The following FANCA variants were observed in gnomAD, a reference collection of about 807,000 sequenced individuals.
FANCA encodes the protein Fanconi anemia group A protein.
In FANCA, 236 loss-of-function variants were observed where a neutral mutation model predicts 194.3. That is an observed-to-expected ratio of 1.21 (90% CI 1.09 to 1.35). FANCA has a LOEUF of 1.35. Among genes scored for constraint, FANCA ranks in the 40% most tolerant of loss-of-function variants. FANCA has a pLI of 0.00. For missense variants in FANCA, 2,628 were observed against 1,813.9 expected, an observed-to-expected ratio of 1.45 and a Z score of -8.15; for synonymous variants, 1,014 against 715.8, an observed-to-expected ratio of 1.42 and a Z score of -6.65.
intron 20 of FANCA, among the ~76,000 whole-genome samples, chr16:89,776,165 T>TC (rs2039497528): frequency 1.1e-5 from 1 of 92,436 alleles, no homozygotes; most frequent in African/African-American, 4.8e-5. Context: ...TTTTCTTTTT[T>TC]TTTTTTTTTT....
intron 29 of FANCA, among the ~76,000 whole-genome samples, chr16:89,759,929 C>T (rs1038197523): frequency 1.3e-5 from 2 of 151,536 alleles, no homozygotes; most frequent in Non-Finnish European, 2.9e-5. Context: ...CCACGCTGTG[C>T]GGGACCTGGG....
In FANCA at chr16:89,778,879, A is replaced by G. The variant is rs2302162; in HGVS notation, c.1777-29T>C. 124,933 of 1,613,612 alleles carry G rather than the reference A, an allele frequency of 0.077. 5,822 individuals carry two copies. The highest frequency in any genetic ancestry group is 0.17 in the East Asian group (7,709 of 44,862). Reference sequence around the variant, plus strand: ...TGGGAAGAGAAGAGACCTGTGAGAGACTGACAAGGAAAGTCCTTGCTTTCT... The same window carrying G: ...TGGGAAGAGAAGAGACCTGTGAGAGGCTGACAAGGAAAGTCCTTGCTTTCT... On this transcript the variant is annotated intron_variant, in intron 19 of 42. Coordinates refer to ENST00000389301, the MANE Select transcript of FANCA (RefSeq NM_000135.4).
intron 32 of FANCA, among the ~76,000 whole-genome samples, chr16:89,749,176 G>C (rs968176187): frequency 2.6e-5 from 4 of 152,126 alleles, no homozygotes; most frequent in African/African-American, 4.8e-5. Flanking sequence ...TTTCACAAGA[G>C]CTCCTTCTGC....
intron 32 of FANCA, 124 bp downstream of exon 32, chr16:89,749,606 G>A (rs2038509966): frequency 9.9e-6 from 12 of 1,206,828 alleles, no homozygotes; most frequent in Non-Finnish European, 1.3e-5. Context: ...GACAGGCTTG[G>A]GGTGGGGACA....
chr16:89,800,891 G>A (rs2040423351), intron 8 of FANCA, among the ~76,000 whole-genome samples: 1 of 151,878 alleles, frequency 6.6e-6, no homozygotes, highest in Admixed American at 6.6e-5. Context: ...AAATTAGCTA[G>A]GTGCGGTGGC....
chr16:89,777,639 G>A (rs2039554768), intron 20 of FANCA, among the ~76,000 whole-genome samples: 1 of 151,756 alleles, frequency 6.6e-6, no homozygotes, highest in Admixed American at 6.6e-5. Flanking sequence ...AAATTTTGCT[G>A]GAATATAGGA....
intron 8 of FANCA, among the ~76,000 whole-genome samples, 168 bp downstream of exon 8, chr16:89,803,090 TA>T (rs762673981): frequency 6.6e-6 from 1 of 152,184 alleles, no homozygotes; most frequent in Non-Finnish European, 1.5e-5. Flanking sequence ...ACGGAGACTC[TA>T]AACACCCTGA....
At position 89,773,340 on chromosome 16, in the gene FANCA, G is replaced by A. The variant is rs370284758; in HGVS notation, c.1945C>T (p.Pro649Ser). The change falls in exon 22 of 43, where the codon CCC (proline) becomes TCC (serine). Residue 649 changes from proline to serine, a missense_variant. Transcript: ENST00000389301. ...VRAEPNSAEE[P>S]LGQLTAALGE... The stretch of plus-strand genomic sequence containing the variant: ...AGTGCAGCTGTGAGCTGTCCCAGGG[G>A]CTCCTCAGCAGAGTTGGGTTCTGCC... 8 of 1,551,570 alleles carry A rather than the reference G, an allele frequency of 5.2e-6. No individual in the cohort carries two copies. The highest frequency in any genetic ancestry group is 6.1e-6 in the Non-Finnish European group (7 of 1,146,968).
intron 3 of FANCA, among the ~76,000 whole-genome samples, chr16:89,813,872 G>A (rs568142602): frequency 6.6e-6 from 1 of 151,192 alleles, no homozygotes; most frequent in South Asian, 2.1e-4. Flanking sequence ...TATATCTTTA[G>A]CAGAAAAAAA....
At chr16:89,756,671 A>G (rs565204388) in intron 30 of FANCA, among the ~76,000 whole-genome samples, 2 of 152,180 alleles carry the variant, frequency 1.3e-5, no homozygotes. Flanking sequence ...ACAAACAAAC[A>G]AAGTGAATGG....
At chr16:89,783,236 T>A in intron 15 of FANCA, 134 bp from the exon 16 acceptor site, 1 of 729,418 alleles carries the variant, frequency 1.4e-6, no homozygotes. Flanking sequence ...CTTATGAGTA[T>A]GCAAAGCAAA....
intron 29 of FANCA, 84 bp from the exon 30 acceptor site, chr16:89,758,789 A>AGG: frequency 1.3e-6 from 2 of 1,587,190 alleles, no homozygotes; most frequent in Non-Finnish European, 1.7e-6. Flanking sequence ...GCCCATAGTA[A>AGG]GGGACACACA....
chr16:89,811,243 T>C (rs761635814), intron 3 of FANCA, among the ~76,000 whole-genome samples, 172 bp from the exon 4 acceptor site: 1 of 152,218 alleles, frequency 6.6e-6, no homozygotes, highest in Admixed American at 6.5e-5. Context: ...GAGAATTTGA[T>C]GATCCAAGCA....
rs183513839 is a variant in FANCA, at chr16:89,778,789, G to A, written c.1826+12C>T. 10,596 of 1,613,028 alleles carry A rather than the reference G, an allele frequency of 6.6e-3. 43 individuals are homozygous for A. The highest frequency in any genetic ancestry group is 7.4e-3 in the Non-Finnish European group (8,673 of 1,179,112). ...TGGAAGTAGTCATCCCCTTCTAACC[G>A]TTGCTGCATACCTCTTCAGAGACTC... On this transcript the variant is annotated intron_variant, in intron 20 of 42. Coordinates refer to ENST00000389301, the MANE Select transcript of FANCA (RefSeq NM_000135.4).
intron 15 of FANCA, among the ~76,000 whole-genome samples, chr16:89,784,321 T>C (rs1197526747): frequency 1.4e-5 from 2 of 143,278 alleles, no homozygotes; most frequent in Non-Finnish European, 3.0e-5. Flanking sequence ...CAGTGAGCTA[T>C]GATGGCAACA....
At chr16:89,752,343 A>G (rs1411321771) in intron 30 of FANCA, 121 bp from the exon 31 acceptor site, 2 of 834,016 alleles carry the variant, frequency 2.4e-6, no homozygotes, top group Non-Finnish European at 4.1e-6. Context: ...TGACCCTCAC[A>G]TTAGTCAACA....
At chr16:89,776,471 A>G (rs991547006) in intron 20 of FANCA, among the ~76,000 whole-genome samples, 1 of 151,614 alleles carries the variant, frequency 6.6e-6, no homozygotes, top group Non-Finnish European at 1.5e-5. Context: ...CCAGCAAAAC[A>G]TGAATCTTTG....
In FANCA at chr16:89,788,422, G is replaced by A. The variant is rs182662218; in HGVS notation, c.1359+2981C>T. Reference sequence around the variant, plus strand: ...GTTGCACTCCAGCCTGGTGACAGACGGGGACTCCATCTCAAAAACAAAACA... The same window carrying A: ...GTTGCACTCCAGCCTGGTGACAGACAGGGACTCCATCTCAAAAACAAAACA... On this transcript the variant is annotated intron_variant, in intron 14 of 42. Coordinates refer to ENST00000389301, the MANE Select transcript of FANCA (RefSeq NM_000135.4). Among the ~76,000 whole-genome samples the A allele has an allele frequency of 7.7e-4, 116 of 151,078 alleles. 3 individuals are homozygous for A. Among genetic ancestry groups the A allele is most frequent in the Non-Finnish European group, 1.6e-4 (11 of 67,784 alleles).
At chr16:89,782,115 C>T (rs2039734098) in intron 17 of FANCA, among the ~76,000 whole-genome samples, 1 of 151,920 alleles carries the variant, frequency 6.6e-6, no homozygotes. Context: ...GTGGCTCACA[C>T]CTATAATCCC....
Sources: allele counts gnomAD v4.1 joint callset (sites outside exome capture counted in the v4.1 genomes callset), GRCh38; gene constraint gnomAD v4.1.1; transcripts MANE v1.5; gene names NCBI Gene and HGNC (gene_info 2026-07-23, HGNC 2026-07-21).